NFAT5: variants seen among roughly 807,000 people sequenced by gnomAD.
The protein encoded by NFAT5 is nuclear factor of activated T-cells 5.
NFAT5 carries 31 observed loss-of-function variants against 166.5 expected under a neutral mutation model. That is an observed-to-expected ratio of 0.19 (90% CI 0.14 to 0.25). The LOEUF (loss-of-function observed/expected upper bound fraction) is 0.25. Among genes scored for constraint, NFAT5 ranks in the 10% least tolerant of loss-of-function variants. The probability of loss-of-function intolerance (pLI) is 1.00; values close to 1 mark genes in which losing one functional copy is unlikely to be tolerated. For synonymous variants in NFAT5, 612 were observed against 639.7 expected, an observed-to-expected ratio of 0.96 and a Z score of 0.65; for missense variants, 1,449 against 1,821.8, an observed-to-expected ratio of 0.80 and a Z score of 3.72.
intron 3 of NFAT5, among the ~76,000 whole-genome samples, chr16:69,634,302 A>T (rs2034857199): frequency 6.7e-6 from 1 of 149,382 alleles, no homozygotes; most frequent in African/African-American, 2.5e-5. Context: ...AAAAAAAATC[A>T]TACATAGTAA....
chr16:69,683,553 T>G (rs1567604927), intron 10 of NFAT5, among the ~76,000 whole-genome samples: 1 of 150,886 alleles, frequency 6.6e-6, no homozygotes, highest in East Asian at 1.9e-4. Context: ...AATATATATG[T>G]ATATTCAAAT....
chr16:69,631,729 G>C (rs756308960), intron 3 of NFAT5, among the ~76,000 whole-genome samples: 2 of 151,844 alleles, frequency 1.3e-5, no homozygotes, highest in East Asian at 2.0e-4. Context: ...GGGTTCCAGC[G>C]ATTCTCCTGC....
intron 9 of NFAT5, among the ~76,000 whole-genome samples, chr16:69,675,725 C>T (rs1379799607): frequency 2.0e-5 from 3 of 152,010 alleles, no homozygotes; most frequent in Non-Finnish European, 2.9e-5. Flanking sequence ...CCTCAACCTC[C>T]GCCCCCCGGG....
Position 69,566,263 on chromosome 16 carries a change from C to G in NFAT5, c.-39C>G, listed in dbSNP as rs749037583. 27 of 1,577,566 alleles carry G rather than the reference C, an allele frequency of 1.7e-5. 1 individual carries two copies. The highest frequency in any genetic ancestry group is 3.5e-5 in the South Asian group (3 of 86,320). On this transcript the variant is annotated 5_prime_UTR_variant, in exon 1 of 15. Coordinates refer to ENST00000349945, the MANE Select transcript of NFAT5 (RefSeq NM_138713.4). This position sits in a 1 kb window ranked among gnomAD's most constrained non-coding sequence, Gnocchi z 5.7. ...GGTGCCGCCGCCACCGCCGCTCCCC[C>G]CCTCCCGCTGCCCTCGGGCCGGGCT...
chr16:69,615,105 G>A (rs1408015136), intron 2 of NFAT5, among the ~76,000 whole-genome samples: 8 of 150,382 alleles, frequency 5.3e-5, no homozygotes, highest in Non-Finnish European at 1.0e-4. Context: ...GCAGTGGCGC[G>A]ACCTCGGCTC....
chr16:69,585,154 C>T (rs547955409), intron 2 of NFAT5, among the ~76,000 whole-genome samples: 45 of 151,932 alleles, frequency 3.0e-4, no homozygotes, highest in African/African-American at 8.4e-4. Context: ...GATGCCACCA[C>T]GCCCAGCTAA....
At chr16:69,589,051 A>G (rs1377762561) in intron 2 of NFAT5, among the ~76,000 whole-genome samples, 2 of 132,010 alleles carry the variant, frequency 1.5e-5, no homozygotes, top group African/African-American at 5.9e-5. Context: ...CTGGAGTGCA[A>G]TGGCACAATC....
rs1030612640 is a variant in NFAT5, at chr16:69,701,339, T to G, written c.*4988T>G. On this transcript the variant is annotated 3_prime_UTR_variant, in exon 15 of 15. Coordinates refer to ENST00000349945, the MANE Select transcript of NFAT5 (RefSeq NM_138713.4). The stretch of plus-strand genomic sequence containing the variant: ...GTTTTTACTTTCTCTTTCAGGAAAT[T>G]TTTTAAATTAATATTTTATATCTAG... 4.6e-5 allele frequency: 7 copies of G among 152,586 alleles called. No homozygotes were observed. The highest frequency in any genetic ancestry group is 7.3e-5 in the Non-Finnish European group (5 of 68,032). 9.5% of individuals were successfully genotyped at this position (152,586 alleles called of 1,614,324 possible).
chr16:69,656,341 G>A (rs567853421), intron 6 of NFAT5, among the ~76,000 whole-genome samples: 12 of 151,512 alleles, frequency 7.9e-5, no homozygotes, highest in Non-Finnish European at 1.5e-4. Context: ...AAAGCCAAGT[G>A]GAAAGCTGGC....
intron 4 of NFAT5, among the ~76,000 whole-genome samples, 180 bp from the exon 5 acceptor site, chr16:69,653,056 C>G (rs561285850): frequency 1.5e-4 from 23 of 152,048 alleles, no homozygotes; most frequent in Non-Finnish European, 2.8e-4. Flanking sequence ...TTTACAAAAC[C>G]TTTTTAAAGA....
intron 2 of NFAT5, among the ~76,000 whole-genome samples, chr16:69,571,196 C>T (rs1174881655): frequency 6.9e-6 from 1 of 145,208 alleles, no homozygotes; most frequent in South Asian, 2.2e-4. Context: ...ACCAACTACT[C>T]GCGATGCTGA....
chr16:69,617,163 C>T (rs1490173186), intron 2 of NFAT5, among the ~76,000 whole-genome samples: 2 of 151,964 alleles, frequency 1.3e-5, no homozygotes, highest in East Asian at 3.9e-4. Flanking sequence ...AGGATGGTCT[C>T]GATCTCCTGA....
At chr16:69,637,245 T>G (rs922044565) in intron 3 of NFAT5, among the ~76,000 whole-genome samples, 1 of 152,246 alleles carries the variant, frequency 6.6e-6, no homozygotes, top group Non-Finnish European at 1.5e-5. Flanking sequence ...ATCAGCATTT[T>G]GGGCAAAGCC....
intron 2 of NFAT5, among the ~76,000 whole-genome samples, chr16:69,592,858 G>T (rs899196448): frequency 2.0e-5 from 3 of 152,182 alleles, no homozygotes; most frequent in African/African-American, 7.2e-5. Context: ...GTAGAGTAGG[G>T]TTTATTCTTG....
intron 2 of NFAT5, among the ~76,000 whole-genome samples, chr16:69,571,197 G>A (rs1428411989): frequency 7.3e-6 from 1 of 137,502 alleles, no homozygotes; most frequent in East Asian, 2.4e-4. Flanking sequence ...CCAACTACTC[G>A]CGATGCTGAG....
chr16:69,659,763 T>C lies in NFAT5; in HGVS notation c.1233T>C (p.Ala411=). 1 of 1,613,998 alleles carries C rather than the reference T, an allele frequency of 6.2e-7. No individual in the cohort carries two copies. The highest frequency in any genetic ancestry group is 8.5e-7 in the Non-Finnish European group (1 of 1,179,948). ...TAGGGATATTGAAATTGAGGAATGC[T>C]GATGTCGAAGCCAGAATAGGAATTG... ...DCVGILKLRN[A]DVEARIGIAG... Residue 411 remains alanine, a synonymous_variant, in exon 7 of 15, where the codon GCT becomes GCC. Transcript: ENST00000349945.
chr16:69,692,501 C>G lies in NFAT5; in HGVS notation c.2676C>G (p.Asn892Lys). 1.9e-6 allele frequency: 3 copies of G among 1,614,158 alleles called. No homozygotes were observed. The highest frequency in any genetic ancestry group is 2.5e-6 in the Non-Finnish European group (3 of 1,180,044). ...RAESVHPQSE[N>K]TLSNQQQQQQ... ...AAAGTGTTCATCCACAGTCTGAAAA[C>G]ACGTTATCTAATCAACAGCAGCAGC... Residue 892 changes from asparagine (N) to lysine (K), a missense_variant, in exon 13 of 15, where the codon AAC becomes AAG. Transcript: ENST00000349945.
At chr16:69,573,286 C>T (rs893795727) in intron 2 of NFAT5, among the ~76,000 whole-genome samples, 2 of 151,662 alleles carry the variant, frequency 1.3e-5, no homozygotes, top group Middle Eastern at 3.4e-3. Context: ...CAGAATTATA[C>T]TTCATAGTGC....
chr16:69,659,672 C>A, intron 6 of NFAT5, 55 bp from the exon 7 acceptor site: 1 of 1,386,868 alleles, frequency 7.2e-7, no homozygotes, highest in East Asian at 2.4e-5. Flanking sequence ...TGATTAAGAA[C>A]ATTATACTAT....
Sources: allele counts gnomAD v4.1 joint callset (sites outside exome capture counted in the v4.1 genomes callset), GRCh38; gene constraint gnomAD v4.1.1; non-coding constraint Gnocchi (gnomAD v3.1); transcripts MANE v1.5; gene names NCBI Gene and HGNC (gene_info 2026-07-23, HGNC 2026-07-21).